Variants in FNDC3B observed in about 807,000 individuals in gnomAD.
FNDC3B encodes the protein fibronectin type III domain containing 3B, also known as fibronectin type III domain-containing protein 3B.
FNDC3B carries 12 observed loss-of-function variants against 151.5 expected under a neutral mutation model. The ratio of observed to expected loss-of-function variants is 0.08; its 90% CI spans 0.05 to 0.13. The LOEUF (loss-of-function observed/expected upper bound fraction) is 0.13. Among genes scored for constraint, FNDC3B ranks in the 10% least tolerant of loss-of-function variants. The pLI is 1.00. For missense variants in FNDC3B, 1,214 were observed against 1,505.3 expected (o/e 0.81, Z 3.20); for synonymous variants, 528 against 549.0 (o/e 0.96, Z 0.54).
intron 11 of FNDC3B, 84 bp downstream of exon 11, chr3:172,310,965 A>G (rs1354848636): frequency 4.2e-6 from 4 of 958,044 alleles, no homozygotes; most frequent in Non-Finnish European, 6.8e-6. Flanking sequence ...ATTCTTTTAT[A>G]AGACATGCTA....
chr3:172,232,403 A>G (rs1436224344), intron 4 of FNDC3B, among the ~76,000 whole-genome samples: 1 of 152,240 alleles, frequency 6.6e-6, no homozygotes, highest in East Asian at 1.9e-4. Context: ...GAAGTTTAAC[A>G]GACAGCTGTG....
intron 2 of FNDC3B, among the ~76,000 whole-genome samples, chr3:172,118,953 G>T (rs1350577708): frequency 6.6e-6 from 1 of 151,788 alleles, no homozygotes; most frequent in African/African-American, 2.4e-5. Context: ...CGGATCACGA[G>T]GTCAGGAGAT....
intron 7 of FNDC3B, among the ~76,000 whole-genome samples, chr3:172,289,425 T>C (rs1730204150): frequency 6.6e-6 from 1 of 152,182 alleles, no homozygotes; most frequent in Non-Finnish European, 1.5e-5. Flanking sequence ...TATAAGGTAT[T>C]CATAGGTTCC....
chr3:172,133,904 A>T (rs1356271615), intron 3 of FNDC3B, among the ~76,000 whole-genome samples: 1 of 152,134 alleles, frequency 6.6e-6, no homozygotes, highest in Non-Finnish European at 1.5e-5. Context: ...GAGGGAGCTT[A>T]TGTTACCGCA....
chr3:172,212,133 T>C (rs1725761202), intron 3 of FNDC3B, among the ~76,000 whole-genome samples: 1 of 152,242 alleles, frequency 6.6e-6, no homozygotes, highest in African/African-American at 2.4e-5. Context: ...AGTGGTTGCT[T>C]TATTATGACT....
intron 6 of FNDC3B, among the ~76,000 whole-genome samples, chr3:172,259,806 G>A (rs1034318401): frequency 5.9e-5 from 9 of 152,072 alleles, no homozygotes; most frequent in African/African-American, 2.2e-4. Context: ...TTTTAAAGAT[G>A]TTTACTACAT....
At chr3:172,134,234 T>C (rs1721250375) in intron 3 of FNDC3B, 2 of 442,322 alleles carry the variant, frequency 4.5e-6, no homozygotes, top group African/African-American at 2.0e-5. Context: ...AGCACACTTC[T>C]AGTGTGTATA....
At chr3:172,081,870 A>G (rs6809191) in intron 1 of FNDC3B, among the ~76,000 whole-genome samples, 98,272 of 152,082 alleles carry the variant, frequency 0.65, 31,901 homozygotes, top group East Asian at 0.78. Flanking sequence ...TACCTAATTG[A>G]CTAAAAAGAG....
At chr3:172,381,469 T>C (rs1735431855) in intron 25 of FNDC3B, among the ~76,000 whole-genome samples, 1 of 151,884 alleles carries the variant, frequency 6.6e-6, no homozygotes, top group Admixed American at 6.6e-5. Context: ...TTAGTATTGA[T>C]CTTTTTTTTT....
chr3:172,095,141 T>A (rs1719035926), intron 1 of FNDC3B, among the ~76,000 whole-genome samples: 1 of 152,260 alleles, frequency 6.6e-6, no homozygotes, highest in South Asian at 2.1e-4. Context: ...ATTCCTATCA[T>A]CCTGTTGTTC....
intron 8 of FNDC3B, among the ~76,000 whole-genome samples, chr3:172,296,943 G>A (rs1333355308): frequency 3.3e-5 from 5 of 152,130 alleles, no homozygotes; most frequent in Non-Finnish European, 7.4e-5. Context: ...GACAACTGTG[G>A]ATAGAGTCTT....
intron 3 of FNDC3B, among the ~76,000 whole-genome samples, chr3:172,153,011 G>A (rs11709298): frequency 0.68 from 103,109 of 151,988 alleles, 36,498 homozygotes; most frequent in Non-Finnish European, 0.78. Flanking sequence ...AAAAAGGCCT[G>A]TAGTGACCAC....
At chr3:172,267,159 CTT>C (rs34584367) in intron 6 of FNDC3B, among the ~76,000 whole-genome samples, 19 of 144,664 alleles carry the variant, frequency 1.3e-4, no homozygotes, top group Non-Finnish European at 1.4e-4. Flanking sequence ...TACACACACA[CTT>C]TTTTTTTTTT....
Position 172,083,893 on chromosome 3 carries a change from G to C in FNDC3B, c.-28-28559G>C, listed in dbSNP as rs141033415. Reference sequence around the variant, plus strand: ...AGTAGCCAGGTGGACCCAGGCATAGGTTTAGCTCTGTTTCTTAACTGCATT... The same window carrying C: ...AGTAGCCAGGTGGACCCAGGCATAGCTTTAGCTCTGTTTCTTAACTGCATT... On this transcript the variant is annotated intron_variant, in intron 1 of 25. Transcript: ENST00000415807. 1.0e-2 allele frequency among the ~76,000 whole-genome samples: 1,522 copies of C among 152,222 alleles called. 27 individuals carry two copies. The highest frequency in any genetic ancestry group is 0.035 in the African/African-American group (1,459 of 41,538).
intron 3 of FNDC3B, among the ~76,000 whole-genome samples, chr3:172,178,643 G>A (rs1353401258): frequency 6.6e-6 from 1 of 152,196 alleles, no homozygotes. Context: ...GACACATGTG[G>A]ACACTCAGCC....
chr3:172,133,000 T>C (rs1364751852), intron 2 of FNDC3B, among the ~76,000 whole-genome samples: 1 of 152,218 alleles, frequency 6.6e-6, no homozygotes, highest in Non-Finnish European at 1.5e-5. Context: ...TAATTCTTTT[T>C]ATAAAAATTT....
At chr3:172,062,229 T>C (rs1027718733) in intron 1 of FNDC3B, among the ~76,000 whole-genome samples, 1 of 152,098 alleles carries the variant, frequency 6.6e-6, no homozygotes, top group African/African-American at 2.4e-5. Context: ...TTTCCTTTTC[T>C]AGGGTTGGGA....
intron 1 of FNDC3B, among the ~76,000 whole-genome samples, chr3:172,054,238 G>C (rs761696184): frequency 3.3e-5 from 5 of 152,194 alleles, no homozygotes; most frequent in Non-Finnish European, 7.3e-5. Context: ...GATGAGCAAA[G>C]GACTAGAGGG....
intron 15 of FNDC3B, 25 bp downstream of exon 15, chr3:172,335,107 G>GTTTTT: frequency 3.3e-5 from 43 of 1,317,698 alleles, no homozygotes; most frequent in Middle Eastern, 2.3e-4. Flanking sequence ...TGCTGCTACT[G>GTTTTT]TTTTTTTTTT....
Sources: gnomAD v4.1 joint callset for allele counts (sites outside exome capture counted in the v4.1 genomes callset) on GRCh38, gnomAD v4.1.1 for gene constraint, MANE v1.5 for transcripts, NCBI Gene and HGNC (gene_info 2026-07-23, HGNC 2026-07-21) for gene names.